The following JMJD1C variants were observed in gnomAD, a reference collection of about 807,000 sequenced individuals.
JMJD1C encodes the protein jumonji domain containing 1C.
A neutral mutation model predicts 245.3 loss-of-function variants in JMJD1C; 31 were observed. The ratio of observed to expected loss-of-function variants is 0.13; its 90% CI spans 0.09 to 0.17. The LOEUF (loss-of-function observed/expected upper bound fraction) is 0.17. Ranked by LOEUF, JMJD1C falls within the 10% of genes least tolerant of loss-of-function variation. The pLI is 1.00. For synonymous variants in JMJD1C, 1,057 were observed against 1,017.4 expected, an observed-to-expected ratio of 1.04 and a Z score of -0.74; for missense variants, 2,691 against 3,000.2, an observed-to-expected ratio of 0.90 and a Z score of 2.41.
intron 1 of JMJD1C, among the ~76,000 whole-genome samples, chr10:63,439,246 C>T (rs1951224183): frequency 6.6e-6 from 1 of 152,066 alleles, no homozygotes; most frequent in Non-Finnish European, 1.5e-5. Flanking sequence ...ATTTTTAGAC[C>T]TCAGTAGCTT....
At chr10:63,508,987 G>C (rs1954798934) in intron 1 of JMJD1C, among the ~76,000 whole-genome samples, 1 of 152,178 alleles carries the variant, frequency 6.6e-6, no homozygotes, top group Admixed American at 6.5e-5. Flanking sequence ...GATTAGAGGG[G>C]ACATTCTTGC....
intron 3 of JMJD1C, among the ~76,000 whole-genome samples, chr10:63,255,534 T>C (rs1589298838): frequency 6.6e-6 from 1 of 152,296 alleles, no homozygotes; most frequent in Admixed American, 6.5e-5. Flanking sequence ...CCAATTCCAG[T>C]CTGAGTAAAG....
intron 2 of JMJD1C, among the ~76,000 whole-genome samples, chr10:63,282,822 T>C (rs978488039): frequency 1.3e-5 from 2 of 152,304 alleles, no homozygotes; most frequent in East Asian, 3.9e-4. Flanking sequence ...GTTCAAGTGA[T>C]TCTCCTGCCT....
chr10:63,425,912 G>A (rs1232071642), intron 1 of JMJD1C, among the ~76,000 whole-genome samples: 1 of 152,174 alleles, frequency 6.6e-6, no homozygotes, highest in Non-Finnish European at 1.5e-5. Context: ...CAAAGGCCAA[G>A]GACACAGCCC....
intron 1 of JMJD1C, among the ~76,000 whole-genome samples, chr10:63,472,175 T>TA (rs1953510819): frequency 6.6e-6 from 1 of 151,940 alleles, no homozygotes; most frequent in Admixed American, 6.5e-5. Context: ...CTATAATAGA[T>TA]AAAAATCCTA....
chr10:63,346,354 T>C (rs1564815027), intron 2 of JMJD1C, among the ~76,000 whole-genome samples: 1 of 152,242 alleles, frequency 6.6e-6, no homozygotes, highest in African/African-American at 2.4e-5. Flanking sequence ...TGAGTGACAC[T>C]AGTTTTGTTA....
chr10:63,312,734 A>G (rs927187682), intron 2 of JMJD1C, among the ~76,000 whole-genome samples: 5 of 152,184 alleles, frequency 3.3e-5, no homozygotes, highest in Non-Finnish European at 7.3e-5. Flanking sequence ...AGTATGTTTT[A>G]TAATTGCTTC....
At chr10:63,430,795 G>A (rs903564220) in intron 1 of JMJD1C, among the ~76,000 whole-genome samples, 3 of 152,188 alleles carry the variant, frequency 2.0e-5, no homozygotes, top group Non-Finnish European at 4.4e-5. Context: ...ACTCACTGGA[G>A]AGCAGTGGCA....
chr10:63,400,092 G>T (rs905125959), intron 1 of JMJD1C, among the ~76,000 whole-genome samples: 2 of 152,028 alleles, frequency 1.3e-5, no homozygotes, highest in African/African-American at 4.8e-5. Context: ...TATTGTTTTT[G>T]ATTTTTATAC....
At chr10:63,263,224 A>C (rs1040789106) in intron 3 of JMJD1C, among the ~76,000 whole-genome samples, 2 of 152,234 alleles carry the variant, frequency 1.3e-5, no homozygotes, top group African/African-American at 4.8e-5. Context: ...AAAAGCTAAC[A>C]ATACAAAAAA....
At chr10:63,286,991 T>A (rs1283879634) in intron 2 of JMJD1C, among the ~76,000 whole-genome samples, 5 of 152,168 alleles carry the variant, frequency 3.3e-5, no homozygotes, top group Non-Finnish European at 7.4e-5. Flanking sequence ...GAAGTAAAGT[T>A]AATCATTCAA....
Position 63,208,099 on chromosome 10 carries a change from T to G in JMJD1C, c.3570A>C (p.Thr1190=). The G allele has an allele frequency of 6.2e-7, 1 of 1,614,140 alleles. No individual in the cohort carries two copies. Among genetic ancestry groups the G allele is most frequent in the South Asian group, 1.1e-5 (1 of 91,078 alleles). ...RNDCRSPTHL[T]VSSTNTLRSM... ...TGCGGAGTGTATTTGTAGAAGAAAC[T>G]GTCAAATGGGTAGGACTCCTACAAT... Residue 1190 remains threonine, a synonymous_variant, in exon 10 of 26, where the codon ACA becomes ACC. Transcript: ENST00000399262.
chr10:63,352,661 T>G (rs1303511097), intron 2 of JMJD1C, among the ~76,000 whole-genome samples: 1 of 141,074 alleles, frequency 7.1e-6, no homozygotes, highest in Non-Finnish European at 1.6e-5. Flanking sequence ...AAAAAAAAAT[T>G]TAAACTGGAA....
intron 1 of JMJD1C, among the ~76,000 whole-genome samples, chr10:63,486,169 CAAAAAA>C (rs1953990704): frequency 2.7e-5 from 1 of 36,516 alleles, no homozygotes; most frequent in African/African-American, 6.9e-5. Flanking sequence ...AAAAAAAAAA[CAAAAAA>C]CAGAAAACTT....
intron 1 of JMJD1C, among the ~76,000 whole-genome samples, chr10:63,484,322 A>G (rs1334265733): frequency 6.6e-6 from 1 of 152,202 alleles, no homozygotes; most frequent in African/African-American, 2.4e-5. Flanking sequence ...TCACAACACC[A>G]GAATGATCCT....
At chr10:63,278,220 T>G (rs1240404695) in intron 2 of JMJD1C, among the ~76,000 whole-genome samples, 2 of 151,952 alleles carry the variant, frequency 1.3e-5, no homozygotes, top group Non-Finnish European at 1.5e-5. Context: ...GCACAGTGGC[T>G]CACAGCTGTA....
chr10:63,249,399 T>TG (rs1434926339), intron 3 of JMJD1C, among the ~76,000 whole-genome samples: 9 of 152,060 alleles, frequency 5.9e-5, no homozygotes, highest in African/African-American at 1.7e-4. Context: ...CTGTTAGGGT[T>TG]GGGGGAGGGA....
intron 1 of JMJD1C, among the ~76,000 whole-genome samples, chr10:63,428,673 A>G (rs1950578121): frequency 6.6e-6 from 1 of 152,236 alleles, no homozygotes; most frequent in African/African-American, 2.4e-5. Flanking sequence ...AACAAAACAT[A>G]AAAGAAAATT....
chr10:63,276,259 G>A (rs893852411), intron 2 of JMJD1C, among the ~76,000 whole-genome samples: 1 of 152,052 alleles, frequency 6.6e-6, no homozygotes, highest in Admixed American at 6.6e-5. Context: ...AAGGTCAGGA[G>A]ATCGAGACCA....
Sources: gnomAD v4.1 joint callset for allele counts (sites outside exome capture counted in the v4.1 genomes callset) on GRCh38, gnomAD v4.1.1 for gene constraint, MANE v1.5 for transcripts, NCBI Gene and HGNC (gene_info 2026-07-23, HGNC 2026-07-21) for gene names.